Variants in SLC7A5 observed in about 807,000 individuals in gnomAD.
SLC7A5 encodes the protein solute carrier family 7 member 5.
SLC7A5 carries 23 observed loss-of-function variants against 50.2 expected under a neutral mutation model. That is an observed-to-expected ratio of 0.46 (90% CI 0.33 to 0.65). SLC7A5 has a LOEUF of 0.65. Among genes scored for constraint, SLC7A5 ranks in the 30% least tolerant of loss-of-function variants. The pLI is 0.02. For missense variants in SLC7A5, 578 were observed against 684.4 expected, an observed-to-expected ratio of 0.84 and a Z score of 1.73; for synonymous variants, 393 against 330.6, an observed-to-expected ratio of 1.19 and a Z score of -2.05.
At position 87,861,138 on chromosome 16, in the gene SLC7A5, C is replaced by A. The variant is rs562638538; in HGVS notation, c.538+7747G>T. Among the ~76,000 whole-genome samples, 3 of 152,322 alleles carry A rather than the reference C, an allele frequency of 2.0e-5. No individual in the cohort carries two copies. In the South Asian group the frequency reaches 6.2e-4, roughly 32 times the overall value. ...CACGTGTCCTGTCCCTGCAGACGGG[C>A]CAGGCAAGGCCTGCCCATGGCCAGC... is the stretch of plus-strand genomic sequence containing the variant. On this transcript the variant is annotated intron_variant, in intron 1 of 9. Transcript: ENST00000261622. The surrounding 1 kb of genome is among the most constrained non-coding windows in gnomAD (Gnocchi z 4.2).
At chr16:87,854,761 G>A (rs1436337534) in intron 1 of SLC7A5, among the ~76,000 whole-genome samples, 2 of 152,256 alleles carry the variant, frequency 1.3e-5, no homozygotes, top group Non-Finnish European at 2.9e-5. Flanking sequence ...TGAGCTGGGG[G>A]CCCCTCCCAG....
chr16:87,833,255 C>A lies in SLC7A5; in HGVS notation c.1469-230G>T, dbSNP rs1474164234. Among the ~76,000 whole-genome samples the A allele has an allele frequency of 2.0e-5, 3 of 152,250 alleles. No homozygotes were observed. The highest frequency in any genetic ancestry group is 4.4e-5 in the Non-Finnish European group (3 of 68,032). Reference sequence around the variant, plus strand: ...AAGTGCCACATCCCACTCGGCCCACCCCTCGCCTGCTTCAGAACCCTGGGG... The same window carrying A: ...AAGTGCCACATCCCACTCGGCCCACACCTCGCCTGCTTCAGAACCCTGGGG... On this transcript the variant is annotated intron_variant, in intron 9 of 9. Coordinates refer to ENST00000261622, the MANE Select transcript of SLC7A5 (RefSeq NM_003486.7). The surrounding 1 kb of genome is among the most constrained non-coding windows in gnomAD (Gnocchi z 6.0).
rs1555516232 is a variant in SLC7A5 at position 87,860,339 on chromosome 16, A to AAAAC, written c.539-8491_539-8490insGTTT. On this transcript the variant is annotated intron_variant, in intron 1 of 9. Transcript: ENST00000261622. This position sits in a 1 kb window ranked among gnomAD's most constrained non-coding sequence, Gnocchi z 4.8. Reference sequence around the variant, plus strand: ...CAAAAGCATCTCAAAAAAAAAAAAAAATACACACACACACACACACACACA... The same window carrying AAAAC: ...CAAAAGCATCTCAAAAAAAAAAAAAAAAACATACACACACACACACACACACACA... Among the ~76,000 whole-genome samples, 1 of 108,214 alleles carries AAAAC rather than the reference A, an allele frequency of 9.2e-6. No homozygotes were observed. Among genetic ancestry groups the AAAAC allele is most frequent in the Admixed American group, 1.0e-4 (1 of 9,588 alleles). The allele number at this position is 108,214 out of a possible 152,430, so 71.0% of individuals were successfully genotyped here.
chr16:87,863,986 A>AAAAAAAAATATATAT (rs376938738), intron 1 of SLC7A5, among the ~76,000 whole-genome samples: 14 of 83,280 alleles, frequency 1.7e-4, no homozygotes, highest in African/African-American at 4.3e-4. Flanking sequence ...ATCATTTAAA[A>AAAAAAAAATATATAT]ATATATATAT....
chr16:87,869,153 G>C lies in SLC7A5; in HGVS notation c.270C>G (p.Ala90=). 6.2e-7 allele frequency: 1 copy of C among 1,611,976 alleles called. No homozygotes were observed. The highest frequency in any genetic ancestry group is 8.5e-7 in the Non-Finnish European group (1 of 1,179,716). The change falls in exon 1 of 10, where the codon GCC becomes GCG. Residue 90 remains alanine (A), a synonymous_variant. Transcript: ENST00000261622. ...CCACGATGGAGAAGACGCCGCACGC[G>C]GCCCACACCACCAGCGCCAGCCCCG... ...GSPGLALVVW[A]ACGVFSIVGA...
chr16:87,840,617 GGAGC>G (rs200369178), intron 3 of SLC7A5, 144 bp from the exon 4 acceptor site: 1 of 703,196 alleles, frequency 1.4e-6, no homozygotes, highest in Non-Finnish European at 2.6e-6. Flanking sequence ...GGAGTGGGAG[GGAGC>G]TCAGCCTCCT....
At chr16:87,843,940 C>T (rs908610216) in intron 2 of SLC7A5, among the ~76,000 whole-genome samples, 5 of 152,230 alleles carry the variant, frequency 3.3e-5, no homozygotes, top group Admixed American at 6.5e-5. Flanking sequence ...GTCCTGGCTT[C>T]GACATGAAGC....
In SLC7A5 at chr16:87,838,719, G is replaced by A. The variant is rs762887277; in HGVS notation, c.1038C>T (p.Ser346=). Residue 346 remains serine (S), a synonymous_variant, in exon 6 of 10, where the codon TCC becomes TCT. Transcript: ENST00000261622. ...GTGGGTCGGGCTGTGCTCACCTGGA[G>A]GATGTGAACAGGGACCCATTGACGG... ...FGSVNGSLFT[S]SRLFFVGSRE... 4.3e-6 allele frequency: 7 copies of A among 1,612,644 alleles called. No homozygotes were observed. The highest frequency in any genetic ancestry group is 1.3e-5 in the African/African-American group (1 of 74,924).
intron 5 of SLC7A5, among the ~76,000 whole-genome samples, chr16:87,839,298 G>A (rs1269362159): frequency 1.3e-5 from 2 of 152,182 alleles, no homozygotes; most frequent in East Asian, 3.9e-4. Flanking sequence ...CCCGGGCCTG[G>A]CCTCCCGCCT....
Position 87,869,105 on chromosome 16 carries a change from G to T in SLC7A5, c.318C>A (p.Leu106=). ...SIVGALCYAE[L]GTTISKSGGD... ...CGCCCGATTTGGAGATGGTGGTGCC[G>T]AGCTCCGCGTAGCAGAGCGCGCCCA... Residue 106 remains leucine, a synonymous_variant, in exon 1 of 10, where the codon CTC becomes CTA. Coordinates refer to ENST00000261622, the MANE Select transcript of SLC7A5 (RefSeq NM_003486.7). 1 of 1,611,772 alleles carries T rather than the reference G, an allele frequency of 6.2e-7. No individual in the cohort carries two copies. Among genetic ancestry groups the T allele is most frequent in the Non-Finnish European group, 8.5e-7 (1 of 1,179,764 alleles).
rs138172662 is a variant in SLC7A5 at position 87,853,443 on chromosome 16, A to G, written c.539-1594T>C. On this transcript the variant is annotated intron_variant, in intron 1 of 9. Coordinates refer to ENST00000261622, the MANE Select transcript of SLC7A5 (RefSeq NM_003486.7). This position sits in a 1 kb window ranked among gnomAD's most constrained non-coding sequence, Gnocchi z 4.4. ...CTATTCCTAAAATAAAATACTTGAA[A>G]TTCCGGAACTTCCACTCCTCACCCA... 2.8e-3 allele frequency among the ~76,000 whole-genome samples: 425 copies of G among 152,258 alleles called. 15 individuals are homozygous for G. In the East Asian group the frequency reaches 0.069, roughly 25 times the overall value.
At chr16:87,857,090 G>A (rs1374838493) in intron 1 of SLC7A5, among the ~76,000 whole-genome samples, 2 of 152,244 alleles carry the variant, frequency 1.3e-5, no homozygotes. Context: ...GGGCTGGAAT[G>A]CCAAGCCTGC....
chr16:87,832,252 C>T lies in SLC7A5; in HGVS notation c.*718G>A, dbSNP rs997878508. ...CTGCCCAGAGGCCAGGCCTGGTGAG[C>T]TAGGGGAGATGCCGGCACCCCCCAA... On this transcript the variant is annotated 3_prime_UTR_variant, in exon 10 of 10. Coordinates refer to ENST00000261622, the MANE Select transcript of SLC7A5 (RefSeq NM_003486.7). This position sits in a 1 kb window ranked among gnomAD's most constrained non-coding sequence, Gnocchi z 4.6. The T allele has an allele frequency of 6.6e-6, 1 of 152,314 alleles. No homozygotes were observed. Among genetic ancestry groups the T allele is most frequent in the African/African-American group, 2.4e-5 (1 of 41,450 alleles). 9.4% of individuals were successfully genotyped at this position (152,314 alleles called of 1,614,324 possible).
At chr16:87,843,854 G>A (rs1248055800) in intron 2 of SLC7A5, among the ~76,000 whole-genome samples, 1 of 152,190 alleles carries the variant, frequency 6.6e-6, no homozygotes, top group Non-Finnish European at 1.5e-5. Context: ...CATCAGCCAC[G>A]AGCCTCTACC....
chr16:87,868,340 T>G (rs2055489505), intron 1 of SLC7A5, among the ~76,000 whole-genome samples: 1 of 152,088 alleles, frequency 6.6e-6, no homozygotes, highest in South Asian at 2.1e-4. Flanking sequence ...GGGGGATCCC[T>G]TAGCCTAAAT....
intron 9 of SLC7A5, 68 bp downstream of exon 9, chr16:87,834,346 C>A (rs992098943): frequency 1.3e-6 from 2 of 1,491,938 alleles, no homozygotes; most frequent in Admixed American, 2.0e-5. Context: ...AGACGGCCGA[C>A]GCCTCTCAAC....
At chr16:87,855,046 C>T (rs1467939760) in intron 1 of SLC7A5, among the ~76,000 whole-genome samples, 1 of 152,248 alleles carries the variant, frequency 6.6e-6, no homozygotes, top group Non-Finnish European at 1.5e-5. Context: ...GCCAGGACAC[C>T]TGTCACAGTG....
chr16:87,868,175 C>T (rs1294926466), intron 1 of SLC7A5, among the ~76,000 whole-genome samples: 3 of 151,816 alleles, frequency 2.0e-5, no homozygotes, highest in Non-Finnish European at 4.4e-5. Flanking sequence ...AAGCAGTTAT[C>T]TCTGGCCTGG....
At chr16:87,845,034 G>A (rs1232004806) in intron 2 of SLC7A5, among the ~76,000 whole-genome samples, 2 of 152,200 alleles carry the variant, frequency 1.3e-5, no homozygotes, top group Admixed American at 6.5e-5. Flanking sequence ...AGCCCAGGAT[G>A]CCTGGAGCCA....
Sources: gnomAD v4.1 joint callset for allele counts (sites outside exome capture counted in the v4.1 genomes callset) on GRCh38, gnomAD v4.1.1 for gene constraint, Gnocchi (gnomAD v3.1) non-coding constraint, MANE v1.5 for transcripts, NCBI Gene and HGNC (gene_info 2026-07-23, HGNC 2026-07-21) for gene names.